TNFAIP8: variants seen among roughly 807,000 people sequenced by gnomAD.
TNFAIP8 encodes the protein tumor necrosis factor alpha-induced protein 8.
In TNFAIP8, 7 loss-of-function variants were observed where a neutral mutation model predicts 13.3. The ratio of observed to expected loss-of-function variants is 0.52; its 90% CI spans 0.30 to 0.99. TNFAIP8 has a LOEUF of 0.99. Among genes scored for constraint, TNFAIP8 ranks in the 50% least tolerant of loss-of-function variants. The pLI is 0.07. For missense variants in TNFAIP8, 258 were observed against 236.9 expected, an observed-to-expected ratio of 1.09 and a Z score of -0.58; for synonymous variants, 94 against 87.6, an observed-to-expected ratio of 1.07 and a Z score of -0.41.
intron 1 of TNFAIP8, among the ~76,000 whole-genome samples, chr5:119,348,544 C>T (rs1412185268): frequency 1.3e-5 from 2 of 151,912 alleles, no homozygotes; most frequent in African/African-American, 4.8e-5. Context: ...TGTCTGTTGC[C>T]GGTGATGTGA....
At chr5:119,328,435 G>A (rs1750286371) in intron 1 of TNFAIP8, among the ~76,000 whole-genome samples, 2 of 152,220 alleles carry the variant, frequency 1.3e-5, no homozygotes, top group South Asian at 4.1e-4. Flanking sequence ...AGAAGTGCTT[G>A]GCTAGCATTC....
intron 1 of TNFAIP8, among the ~76,000 whole-genome samples, chr5:119,339,228 C>T (rs7704487): frequency 0.1 from 15,949 of 152,074 alleles, 1,047 homozygotes; most frequent in African/African-American, 0.2. Context: ...TGACTTTTTC[C>T]AGAAGCCCCC....
At chr5:119,380,205 G>A (rs1020948672) in intron 1 of TNFAIP8, among the ~76,000 whole-genome samples, 1 of 152,342 alleles carries the variant, frequency 6.6e-6, no homozygotes, top group East Asian at 1.9e-4. Flanking sequence ...AAAAGTGTTA[G>A]TGAAAATATC....
At chr5:119,341,030 G>T (rs1483857350) in intron 1 of TNFAIP8, among the ~76,000 whole-genome samples, 1 of 151,782 alleles carries the variant, frequency 6.6e-6, no homozygotes, top group Non-Finnish European at 1.5e-5. Flanking sequence ...CGGTTTCAAA[G>T]CCGTAGACAC....
At chr5:119,295,673 A>T (rs1302677773) in intron 1 of TNFAIP8, among the ~76,000 whole-genome samples, 4 of 152,160 alleles carry the variant, frequency 2.6e-5, no homozygotes, top group African/African-American at 7.2e-5. Context: ...GAAGAAAGTC[A>T]TTGCTAGCTT....
chr5:119,287,328 A>G (rs1748832157), intron 1 of TNFAIP8, among the ~76,000 whole-genome samples: 1 of 55,738 alleles, frequency 1.8e-5, no homozygotes, highest in Non-Finnish European at 4.9e-5. Flanking sequence ...TTACTGAGAT[A>G]TAATTGACAC....
chr5:119,379,130 C>T (rs1325848587), intron 1 of TNFAIP8, among the ~76,000 whole-genome samples: 1 of 152,140 alleles, frequency 6.6e-6, no homozygotes, highest in Non-Finnish European at 1.5e-5. Flanking sequence ...TCATGGAGTA[C>T]AGATAAATTC....
intron 1 of TNFAIP8, among the ~76,000 whole-genome samples, chr5:119,274,955 G>A (rs773818827): frequency 1.3e-5 from 2 of 151,392 alleles, no homozygotes; most frequent in African/African-American, 4.9e-5. Context: ...TCATTTTCCT[G>A]TCTTGTTCTA....
chr5:119,366,875 TC>T (rs1212011211), intron 1 of TNFAIP8, among the ~76,000 whole-genome samples: 3 of 152,190 alleles, frequency 2.0e-5, no homozygotes, highest in African/African-American at 7.2e-5. Flanking sequence ...TACTTGACAT[TC>T]CTGTCCTTGC....
intron 1 of TNFAIP8, among the ~76,000 whole-genome samples, chr5:119,290,815 G>T (rs1315648660): frequency 6.6e-6 from 1 of 152,120 alleles, no homozygotes; most frequent in Admixed American, 6.5e-5. Context: ...CTGAGATAGG[G>T]CATCAGGAGC....
chr5:119,343,022 T>C (rs1750791483), intron 1 of TNFAIP8, among the ~76,000 whole-genome samples: 1 of 152,246 alleles, frequency 6.6e-6, no homozygotes, highest in Non-Finnish European at 1.5e-5. Flanking sequence ...AGATTGCTGC[T>C]GTTCTACAGT....
intron 1 of TNFAIP8, among the ~76,000 whole-genome samples, chr5:119,299,342 G>C (rs189529732): frequency 2.0e-5 from 3 of 152,310 alleles, no homozygotes; most frequent in African/African-American, 7.2e-5. Context: ...ACCCTCAGCT[G>C]CAGGTCTGTT....
chr5:119,377,136 G>T (rs1177713211), intron 1 of TNFAIP8, among the ~76,000 whole-genome samples: 1 of 152,166 alleles, frequency 6.6e-6, no homozygotes, highest in Non-Finnish European at 1.5e-5. Context: ...GGGCCTGGTG[G>T]CTCATCCAGT....
chr5:119,294,399 G>A (rs1187826686), intron 1 of TNFAIP8, among the ~76,000 whole-genome samples: 1 of 152,086 alleles, frequency 6.6e-6, no homozygotes, highest in African/African-American at 2.4e-5. Flanking sequence ...TGGCTGCATA[G>A]TATTCCCTGG....
chr5:119,351,226 T>C (rs1210374707), upstream of TNFAIP8, among the ~76,000 whole-genome samples: 2 of 152,118 alleles, frequency 1.3e-5, no homozygotes, highest in African/African-American at 4.8e-5. Context: ...AGGGTCTCTC[T>C]ATGTTGTCCA....
intron 1 of TNFAIP8, among the ~76,000 whole-genome samples, chr5:119,348,220 A>G (rs1176121089): frequency 1.3e-5 from 2 of 152,192 alleles, no homozygotes; most frequent in Non-Finnish European, 2.9e-5. Context: ...GATGTGTGGT[A>G]AGCACTGGAA....
intron 1 of TNFAIP8, among the ~76,000 whole-genome samples, chr5:119,371,768 G>A (rs1177730468): frequency 2.6e-5 from 4 of 152,064 alleles, no homozygotes. Context: ...GCTCATGCCT[G>A]TAATCCTGGC....
intron 1 of TNFAIP8, among the ~76,000 whole-genome samples, chr5:119,327,868 A>G (rs1270604152): frequency 6.6e-6 from 1 of 152,216 alleles, no homozygotes; most frequent in East Asian, 1.9e-4. Context: ...TCAAGGTCAT[A>G]TAGTAAGTGG....
intron 1 of TNFAIP8, among the ~76,000 whole-genome samples, chr5:119,382,926 A>G (rs557342186): frequency 6.6e-6 from 1 of 152,372 alleles, no homozygotes; most frequent in East Asian, 1.9e-4. Context: ...TTTATTCTAC[A>G]AATTTGTTAT....
Sources: allele counts gnomAD v4.1 joint callset (sites outside exome capture counted in the v4.1 genomes callset), GRCh38; gene constraint gnomAD v4.1.1; transcripts MANE v1.5; gene names NCBI Gene and HGNC (gene_info 2026-07-23, HGNC 2026-07-21).